The following PKP4 variants were observed in gnomAD, a reference collection of about 807,000 sequenced individuals.
PKP4 encodes the protein plakophilin-4.
In PKP4, 90 loss-of-function variants were observed where a neutral mutation model predicts 145.1. The observed-to-expected ratio is 0.62, with a 90% CI of 0.52 to 0.74. PKP4 has a LOEUF of 0.74. PKP4 is among the 30% of genes least tolerant of loss of function. The probability of loss-of-function intolerance (pLI) is 0.00; values close to 1 mark genes in which losing one functional copy is unlikely to be tolerated. For synonymous variants in PKP4, 563 were observed against 577.2 expected (o/e 0.98, Z 0.35); for missense variants, 1,340 against 1,482.7 (o/e 0.90, Z 1.58).
intron 4 of PKP4, among the ~76,000 whole-genome samples, chr2:158,608,776 A>AT (rs1408603401): frequency 4.6e-5 from 7 of 151,354 alleles, no homozygotes; most frequent in African/African-American, 1.7e-4. Context: ...AAATTTATGA[A>AT]TAAAATAGTA....
chr2:158,677,171 C>A, intron 20 of PKP4: 1 of 382,940 alleles, frequency 2.6e-6, no homozygotes, highest in Non-Finnish European at 5.0e-6. Flanking sequence ...TTTGCTCCGT[C>A]CCCTCCTGGC....
At chr2:158,511,125 A>T (rs11674604) in intron 1 of PKP4, among the ~76,000 whole-genome samples, 29,484 of 152,132 alleles carry the variant, frequency 0.19, 3,723 homozygotes, top group Middle Eastern at 0.34. Context: ...GGTGGCTCAC[A>T]CCTGAAATCT....
intron 1 of PKP4, among the ~76,000 whole-genome samples, chr2:158,498,808 G>T (rs1696124736): frequency 6.9e-6 from 1 of 145,362 alleles, no homozygotes; most frequent in Non-Finnish European, 1.5e-5. Context: ...TAGGTGGGTT[G>T]TGAGTGTTTT....
intron 3 of PKP4, among the ~76,000 whole-genome samples, chr2:158,592,197 G>A (rs1233861259): frequency 6.6e-6 from 1 of 152,042 alleles, no homozygotes; most frequent in Admixed American, 6.6e-5. Flanking sequence ...ATAGAGAAGA[G>A]TAGGAAACCA....
At chr2:158,616,116 C>G (rs886833430) in intron 4 of PKP4, among the ~76,000 whole-genome samples, 1 of 152,192 alleles carries the variant, frequency 6.6e-6, no homozygotes, top group Non-Finnish European at 1.5e-5. Context: ...TATCTGTCAA[C>G]TTGTATTTTC....
chr2:158,616,404 C>G (rs150298031), intron 4 of PKP4, among the ~76,000 whole-genome samples: 1 of 152,160 alleles, frequency 6.6e-6, no homozygotes, highest in Non-Finnish European at 1.5e-5. Context: ...CCTTCGTAAG[C>G]CTGTGGTCCT....
chr2:158,494,256 T>TA (rs1695362038), intron 1 of PKP4, among the ~76,000 whole-genome samples: 1 of 151,988 alleles, frequency 6.6e-6, no homozygotes, highest in Admixed American at 6.6e-5. Flanking sequence ...TTTTTTTTTT[T>TA]ACTTATGGAG....
intron 2 of PKP4, among the ~76,000 whole-genome samples, chr2:158,546,552 G>A (rs1231605690): frequency 6.6e-6 from 1 of 152,094 alleles, no homozygotes; most frequent in Non-Finnish European, 1.5e-5. Context: ...AGCACCATAG[G>A]GCATGAGCCA....
rs552207423 is a variant in PKP4, at chr2:158,617,109, G to A, written c.281-3881G>A. ...ATGTAACACTTTTTCTAATTACATAGTTTTAAATATTAGAGCACTCAAATG... is the reference window on the plus strand; with the variant it reads ...ATGTAACACTTTTTCTAATTACATAATTTTAAATATTAGAGCACTCAAATG... On this transcript the variant is annotated intron_variant, in intron 4 of 21. Transcript: ENST00000389759. 4.1e-4 allele frequency among the ~76,000 whole-genome samples: 62 copies of A among 152,246 alleles called. 1 individual carries two copies. The South Asian group carries it at 0.012, about 30-fold the overall frequency.
chr2:158,676,998 T>G (rs1323104493), intron 20 of PKP4, 131 bp downstream of exon 20: 1 of 1,047,912 alleles, frequency 9.5e-7, no homozygotes, highest in Non-Finnish European at 1.5e-6. Flanking sequence ...GTTCCAGTCA[T>G]TCCCTTTCCT....
intron 1 of PKP4, among the ~76,000 whole-genome samples, chr2:158,504,143 A>G (rs556413129): frequency 9.8e-5 from 15 of 152,300 alleles, no homozygotes; most frequent in East Asian, 5.8e-4. Flanking sequence ...AGTGCTGACA[A>G]TGTGACTTGT....
At chr2:158,615,020 A>C (rs1044010654) in intron 4 of PKP4, among the ~76,000 whole-genome samples, 1 of 152,052 alleles carries the variant, frequency 6.6e-6, no homozygotes, top group African/African-American at 2.4e-5. Context: ...ACAAAAAAAA[A>C]AAATAACTAG....
intron 11 of PKP4, among the ~76,000 whole-genome samples, chr2:158,648,332 G>A (rs866723600): frequency 2.6e-5 from 4 of 152,118 alleles, no homozygotes; most frequent in African/African-American, 4.8e-5. Flanking sequence ...TTTTTAATTC[G>A]ATGATAAATT....
At chr2:158,631,427 A>C (rs1484193830) in intron 7 of PKP4, among the ~76,000 whole-genome samples, 1 of 152,130 alleles carries the variant, frequency 6.6e-6, no homozygotes, top group Non-Finnish European at 1.5e-5. Flanking sequence ...CTGGTCACCC[A>C]GGCTGGAGTG....
chr2:158,558,474 A>C (rs1251047819), intron 2 of PKP4, among the ~76,000 whole-genome samples: 1 of 152,134 alleles, frequency 6.6e-6, no homozygotes, highest in African/African-American at 2.4e-5. Context: ...TCAAGGAGGA[A>C]GTCATCAGTG....
At chr2:158,669,552 T>TAATG (rs1290767514) in intron 16 of PKP4, 168 bp from the exon 17 acceptor site, 2 of 436,088 alleles carry the variant, frequency 4.6e-6, no homozygotes, top group Non-Finnish European at 8.1e-6. Flanking sequence ...TTTCCCCTTA[T>TAATG]AATGACATTT....
At chr2:158,492,342 G>A (rs1407458392) in intron 1 of PKP4, among the ~76,000 whole-genome samples, 2 of 152,138 alleles carry the variant, frequency 1.3e-5, no homozygotes, top group Admixed American at 6.5e-5. Flanking sequence ...CAAGTTATGC[G>A]AAGTTAATTT....
At chr2:158,489,221 ATAT>A (rs1694599124) in intron 1 of PKP4, among the ~76,000 whole-genome samples, 1 of 151,614 alleles carries the variant, frequency 6.6e-6, no homozygotes, top group Non-Finnish European at 1.5e-5. Flanking sequence ...AAATCTTTTG[ATAT>A]TATTTCTCTG....
intron 4 of PKP4, among the ~76,000 whole-genome samples, chr2:158,608,671 T>G (rs1376195172): frequency 6.6e-6 from 1 of 152,166 alleles, no homozygotes; most frequent in Non-Finnish European, 1.5e-5. Flanking sequence ...TATAATGTTG[T>G]GGTTTTTCTT....
Sources: gnomAD v4.1 joint callset for allele counts (sites outside exome capture counted in the v4.1 genomes callset) on GRCh38, gnomAD v4.1.1 for gene constraint, MANE v1.5 for transcripts, NCBI Gene and HGNC (gene_info 2026-07-23, HGNC 2026-07-21) for gene names.